The following KIF26B variants were observed in gnomAD, a reference collection of about 807,000 sequenced individuals.
KIF26B encodes the protein kinesin-like protein KIF26B.
Under a neutral mutation model 151.2 loss-of-function variants are expected in KIF26B, and 63 were observed. The observed-to-expected ratio is 0.42, with a 90% CI of 0.34 to 0.51. KIF26B has a LOEUF of 0.51. Ranked by LOEUF, KIF26B falls within the 20% of genes least tolerant of loss-of-function variation. The pLI is 0.07. For missense variants in KIF26B, 2,813 were observed against 2,913.6 expected, an observed-to-expected ratio of 0.97 and a Z score of 0.79; for synonymous variants, 1,357 against 1,262.1, an observed-to-expected ratio of 1.08 and a Z score of -1.59.
At chr1:245,571,445 A>G (rs1162419568) in intron 5 of KIF26B, among the ~76,000 whole-genome samples, 1 of 152,208 alleles carries the variant, frequency 6.6e-6, no homozygotes, top group Non-Finnish European at 1.5e-5. Flanking sequence ...TTGTCATTCC[A>G]TCTCCACTAT....
At chr1:245,242,889 A>T (rs762433589) in intron 2 of KIF26B, among the ~76,000 whole-genome samples, 1 of 151,384 alleles carries the variant, frequency 6.6e-6, no homozygotes, top group African/African-American at 2.5e-5. Context: ...TGACATCATG[A>T]TCTGCCCGCC....
chr1:245,293,481 T>C lies in KIF26B; in HGVS notation c.466-73353T>C, dbSNP rs1328347949. 1.3e-5 allele frequency among the ~76,000 whole-genome samples: 2 copies of C among 152,052 alleles called. 1 individual carries two copies. Among genetic ancestry groups the C allele is most frequent in the East Asian group, 3.8e-4 (2 of 5,196 alleles). On this transcript the variant is annotated intron_variant, in intron 2 of 14. Transcript: ENST00000407071. ...CCAGCCCTGGTGGCTTCCAGGTCTT[T>C]GAAGGTAGAATTGAGCCTCACAGCA...
At chr1:245,366,161 G>A (rs1672944645) in intron 2 of KIF26B, among the ~76,000 whole-genome samples, 1 of 152,138 alleles carries the variant, frequency 6.6e-6, no homozygotes, top group Non-Finnish European at 1.5e-5. Context: ...TATCATGCCT[G>A]GACAAATGTT....
chr1:245,381,371 C>T (rs1308779374), intron 3 of KIF26B, among the ~76,000 whole-genome samples: 1 of 152,148 alleles, frequency 6.6e-6, no homozygotes. Flanking sequence ...TTTAAGTGTA[C>T]AGTTCATCAA....
At chr1:245,519,728 G>C (rs1162478238) in intron 4 of KIF26B, among the ~76,000 whole-genome samples, 1 of 152,176 alleles carries the variant, frequency 6.6e-6, no homozygotes, top group Non-Finnish European at 1.5e-5. Context: ...GGGTAGGACT[G>C]TTGCTGTACT....
rs537788004 is a variant in KIF26B at position 245,209,539 on chromosome 1, G to A, written c.465+52856G>A. Among the ~76,000 whole-genome samples the A allele has an allele frequency of 1.6e-4, 25 of 152,312 alleles. No individual in the cohort carries two copies. The South Asian group carries it at 4.8e-3, about 29-fold the overall frequency. On this transcript the variant is annotated intron_variant, in intron 2 of 14. Transcript: ENST00000407071. ...AAAAACATAAAGGGAGCTCTAAAAGGTTACAGAAAGAGCTGTGGGACATAG... is the reference window on the plus strand; with the variant it reads ...AAAAACATAAAGGGAGCTCTAAAAGATTACAGAAAGAGCTGTGGGACATAG...
At chr1:245,614,171 T>C (rs2043558658) in intron 9 of KIF26B, among the ~76,000 whole-genome samples, 1 of 152,098 alleles carries the variant, frequency 6.6e-6, no homozygotes, top group Admixed American at 6.5e-5. Flanking sequence ...CCTGCTCCTT[T>C]AGTTTTTTTG....
At chr1:245,186,139 C>T (rs1247352727) in intron 2 of KIF26B, among the ~76,000 whole-genome samples, 1 of 152,086 alleles carries the variant, frequency 6.6e-6, no homozygotes, top group Non-Finnish European at 1.5e-5. Flanking sequence ...TCCCAAAGTG[C>T]TGGGATTACA....
chr1:245,205,252 C>T (rs556096628), intron 2 of KIF26B, among the ~76,000 whole-genome samples: 13 of 152,144 alleles, frequency 8.5e-5, no homozygotes, highest in African/African-American at 3.1e-4. Context: ...TTAAAAAGAC[C>T]GTTAGTGTAG....
rs1382036915 is a variant in KIF26B at position 245,706,450 on chromosome 1, A to G, written c.*3844A>G. 6.6e-6 allele frequency: 1 copy of G among 152,166 alleles called. No individual in the cohort carries two copies. The highest frequency in any genetic ancestry group is 6.5e-5 in the Admixed American group (1 of 15,286). The allele number at this position is 152,166 out of a possible 1,614,324, so 9.4% of individuals were successfully genotyped here. A position where few individuals can be genotyped will look rare whatever the true frequency, so the allele number is the denominator to read the frequency against. On this transcript the variant is annotated 3_prime_UTR_variant, in exon 15 of 15. Transcript: ENST00000407071. Reference sequence around the variant, plus strand: ...ACTGCTGATTATATTGAGTGTTTTTAGGTTTTTTAGGTTTCTTATTCCAAA... The same window carrying G: ...ACTGCTGATTATATTGAGTGTTTTTGGGTTTTTTAGGTTTCTTATTCCAAA...
chr1:245,308,373 G>A (rs1671597524), intron 2 of KIF26B, among the ~76,000 whole-genome samples: 1 of 152,154 alleles, frequency 6.6e-6, no homozygotes, highest in South Asian at 2.1e-4. Context: ...AGCAGTTTTG[G>A]GGAAAATGAC....
intron 10 of KIF26B, among the ~76,000 whole-genome samples, chr1:245,652,896 G>A (rs6659904): frequency 0.34 from 51,914 of 152,094 alleles, 9,798 homozygotes; most frequent in Middle Eastern, 0.45. Context: ...AATGGCACAT[G>A]ATGGTCTCGG....
At chr1:245,406,021 A>C (rs1674127993) in intron 3 of KIF26B, among the ~76,000 whole-genome samples, 1 of 152,164 alleles carries the variant, frequency 6.6e-6, no homozygotes, top group African/African-American at 2.4e-5. Context: ...ATGTTTTTGC[A>C]CAAAGGCCAC....
At chr1:245,600,247 C>T (rs1169461150) in intron 5 of KIF26B, among the ~76,000 whole-genome samples, 1 of 127,550 alleles carries the variant, frequency 7.8e-6, no homozygotes, top group East Asian at 2.5e-4. Context: ...ACCGTGTTAG[C>T]CAGGATGGTC....
chr1:245,539,905 G>A lies in KIF26B; in HGVS notation c.1167-862G>A, dbSNP rs879290848. Reference sequence around the variant, plus strand: ...TGACCTCAGGTGAGCTGCCTGCCTCGGCCTCCCAAAGTGCTGGGATTACAG... The same window carrying A: ...TGACCTCAGGTGAGCTGCCTGCCTCAGCCTCCCAAAGTGCTGGGATTACAG... On this transcript the variant is annotated intron_variant, in intron 4 of 14. Coordinates refer to ENST00000407071, the MANE Select transcript of KIF26B (RefSeq NM_018012.4). Among the ~76,000 whole-genome samples the A allele has an allele frequency of 4.6e-5, 7 of 152,058 alleles. No homozygotes were observed. The East Asian group carries it at 5.8e-4, about 13-fold the overall frequency.
intron 4 of KIF26B, among the ~76,000 whole-genome samples, chr1:245,518,879 G>A (rs1452410969): frequency 6.6e-6 from 1 of 152,176 alleles, no homozygotes; most frequent in African/African-American, 2.4e-5. Context: ...GAGTCCATGA[G>A]CTAGTTAGTG....
At chr1:245,662,412 G>C (rs575491388) in intron 10 of KIF26B, among the ~76,000 whole-genome samples, 121 of 124,472 alleles carry the variant, frequency 9.7e-4, no homozygotes, top group African/African-American at 3.8e-3. Context: ...CATACACCCA[G>C]TGATATATAC....
chr1:245,469,139 A>T (rs1448950019), intron 4 of KIF26B, among the ~76,000 whole-genome samples: 2 of 152,238 alleles, frequency 1.3e-5, no homozygotes, highest in Non-Finnish European at 2.9e-5. Flanking sequence ...CCCTACCAGC[A>T]TGGCTGGAGC....
intron 3 of KIF26B, among the ~76,000 whole-genome samples, chr1:245,384,194 C>T (rs1247165756): frequency 6.6e-6 from 1 of 151,656 alleles, no homozygotes; most frequent in African/African-American, 2.4e-5. Context: ...TTTCTCTCCA[C>T]AGTCACCAAG....
Sources: gnomAD v4.1 joint callset for allele counts (sites outside exome capture counted in the v4.1 genomes callset) on GRCh38, gnomAD v4.1.1 for gene constraint, MANE v1.5 for transcripts, NCBI Gene and HGNC (gene_info 2026-07-23, HGNC 2026-07-21) for gene names.